DTNB: variants seen among roughly 807,000 people sequenced by gnomAD.
DTNB encodes dystrobrevin beta.
In DTNB, 63 loss-of-function variants were observed where a neutral mutation model predicts 90.7. That is an observed-to-expected ratio of 0.69 (90% confidence interval 0.57 to 0.86). The LOEUF (loss-of-function observed/expected upper bound fraction) is 0.86, where lower values mean the gene tolerates loss of function less well. Among genes scored for constraint, DTNB ranks in the 40% least tolerant of loss-of-function variants. The pLI is 0.00. For missense variants in DTNB, 744 were observed against 807.1 expected (o/e 0.92, Z 0.95); for synonymous variants, 277 against 286.7 (o/e 0.97, Z 0.34).
chr2:25,667,891 G>A (rs998854737), intron 1 of DTNB, among the ~76,000 whole-genome samples: 5 of 152,134 alleles, frequency 3.3e-5, no homozygotes, highest in African/African-American at 9.7e-5. Flanking sequence ...GTAGGTGAAC[G>A]AATAAACAAA....
intron 8 of DTNB, among the ~76,000 whole-genome samples, chr2:25,557,351 G>A (rs1008079984): frequency 2.0e-5 from 3 of 152,132 alleles, no homozygotes; most frequent in Non-Finnish European, 4.4e-5. Context: ...CAGAAAGCTC[G>A]CTGCCCTGTT....
At chr2:25,663,246 CTTT>C (rs1303906482) in intron 1 of DTNB, among the ~76,000 whole-genome samples, 2 of 152,164 alleles carry the variant, frequency 1.3e-5, no homozygotes, top group Admixed American at 1.3e-4. Flanking sequence ...TGAACTCATT[CTTT>C]TTTTATGGCT....
At chr2:25,542,510 C>T in intron 8 of DTNB, among the ~76,000 whole-genome samples, 1 of 152,010 alleles carries the variant, frequency 6.6e-6, no homozygotes, top group South Asian at 2.1e-4. Flanking sequence ...GACTTTGGTA[C>T]CAATGTTATT....
chr2:25,445,108 C>G (rs1240253911), intron 12 of DTNB, among the ~76,000 whole-genome samples: 1 of 152,136 alleles, frequency 6.6e-6, no homozygotes, highest in African/African-American at 2.4e-5. Flanking sequence ...GGCTTTGGAG[C>G]TTTTATTGAC....
At chr2:25,604,924 G>A (rs903312438) in intron 5 of DTNB, among the ~76,000 whole-genome samples, 13 of 151,730 alleles carry the variant, frequency 8.6e-5, no homozygotes, top group African/African-American at 3.1e-4. Context: ...TCACTACGTT[G>A]CCCAGGCTGG....
chr2:25,643,449 T>C (rs2078786951), intron 2 of DTNB, among the ~76,000 whole-genome samples: 1 of 152,220 alleles, frequency 6.6e-6, no homozygotes, highest in Admixed American at 6.5e-5. Flanking sequence ...GCACCTGAAA[T>C]AGTTATTGAG....
rs950322892 is a variant in DTNB, at chr2:25,387,890, G to A, written c.1735+312C>T. Among the ~76,000 whole-genome samples the A allele has an allele frequency of 2.0e-5, 3 of 152,196 alleles. No individual in the cohort carries two copies. The highest frequency in any genetic ancestry group is 4.8e-5 in the African/African-American group (2 of 41,452). On this transcript the variant is annotated intron_variant, in intron 17 of 20. Transcript: ENST00000406818. The surrounding 1 kb of genome is among the most constrained non-coding windows in gnomAD (Gnocchi z 4.5). Reference sequence around the variant, plus strand: ...CCTGTTACAGTCCCTTCTAGGCCAGGGAATTATTCCATCCAATTCCTCTGG... The same window carrying A: ...CCTGTTACAGTCCCTTCTAGGCCAGAGAATTATTCCATCCAATTCCTCTGG...
At chr2:25,444,832 C>T (rs979558828) in intron 12 of DTNB, among the ~76,000 whole-genome samples, 2 of 152,170 alleles carry the variant, frequency 1.3e-5, no homozygotes, top group East Asian at 1.9e-4. Context: ...ATGCAAAGCA[C>T]TTGTATCAAT....
At chr2:25,544,567 GA>G in intron 8 of DTNB, among the ~76,000 whole-genome samples, 1 of 152,250 alleles carries the variant, frequency 6.6e-6, no homozygotes, top group Admixed American at 6.5e-5. Flanking sequence ...GATCTAAGCA[GA>G]AAAATATCCC....
chr2:25,589,632 G>A (rs543357796), intron 6 of DTNB, among the ~76,000 whole-genome samples: 3 of 151,974 alleles, frequency 2.0e-5, no homozygotes, highest in East Asian at 1.9e-4. Flanking sequence ...CACCCACCTC[G>A]GCCTGCTGGG....
intron 9 of DTNB, among the ~76,000 whole-genome samples, chr2:25,524,584 T>C (rs1176902580): frequency 1.3e-5 from 2 of 152,120 alleles, no homozygotes; most frequent in Middle Eastern, 3.2e-3. Context: ...CTCTCCTCCC[T>C]AGGTACACAG....
chr2:25,561,164 T>A (rs2058206383), intron 8 of DTNB, among the ~76,000 whole-genome samples: 1 of 152,162 alleles, frequency 6.6e-6, no homozygotes, highest in Non-Finnish European at 1.5e-5. Context: ...CTTTATCTTG[T>A]CTCCCTCACG....
chr2:25,448,507 T>G (rs942427401), intron 12 of DTNB, among the ~76,000 whole-genome samples: 2 of 152,220 alleles, frequency 1.3e-5, no homozygotes, highest in Non-Finnish European at 2.9e-5. Context: ...ATCAAACCCT[T>G]ATTCAACATT....
At chr2:25,389,813 G>T (rs2040566943) in intron 16 of DTNB, among the ~76,000 whole-genome samples, 2 of 151,348 alleles carry the variant, frequency 1.3e-5, no homozygotes, top group African/African-American at 2.4e-5. Flanking sequence ...CAACAGAAAT[G>T]GATTGTTTTC....
At chr2:25,632,627 T>G (rs1180429701) in intron 3 of DTNB, among the ~76,000 whole-genome samples, 1 of 152,166 alleles carries the variant, frequency 6.6e-6, no homozygotes, top group African/African-American at 2.4e-5. Flanking sequence ...ACACTCAGCC[T>G]CCTCACCATG....
intron 4 of DTNB, among the ~76,000 whole-genome samples, chr2:25,615,782 G>C (rs2070226767): frequency 6.6e-6 from 1 of 152,094 alleles, no homozygotes; most frequent in African/African-American, 2.4e-5. Context: ...ATTCACAAAA[G>C]GGTATTTCCG....
chr2:25,615,033 C>T (rs1408174546), intron 4 of DTNB, among the ~76,000 whole-genome samples: 2 of 152,178 alleles, frequency 1.3e-5, no homozygotes, highest in Non-Finnish European at 2.9e-5. Context: ...TTCTGACCAA[C>T]GAACTATAAA....
At chr2:25,643,807 T>A (rs1351032457) in intron 2 of DTNB, among the ~76,000 whole-genome samples, 3 of 152,132 alleles carry the variant, frequency 2.0e-5, no homozygotes, top group Admixed American at 2.0e-4. Flanking sequence ...CTTGGTAAAA[T>A]GAGGCCAAGA....
intron 18 of DTNB, among the ~76,000 whole-genome samples, chr2:25,384,498 C>T (rs2038904248): frequency 6.6e-6 from 1 of 152,066 alleles, no homozygotes; most frequent in Non-Finnish European, 1.5e-5. Flanking sequence ...TGGGCATGTA[C>T]TTTGAATAGG....
Sources: allele counts gnomAD v4.1 joint callset (sites outside exome capture counted in the v4.1 genomes callset), GRCh38; gene constraint gnomAD v4.1.1; non-coding constraint Gnocchi (gnomAD v3.1); transcripts MANE v1.5; gene names NCBI Gene and HGNC (gene_info 2026-07-23, HGNC 2026-07-21).